The following RAB11FIP2 variants were observed in gnomAD, a reference collection of about 807,000 sequenced individuals.
RAB11FIP2 encodes RAB11 family interacting protein 2.
RAB11FIP2 carries 16 observed loss-of-function variants against 40.9 expected under a neutral mutation model. That is an observed-to-expected ratio of 0.39 (90% CI 0.26 to 0.59). RAB11FIP2 has a LOEUF of 0.59. RAB11FIP2 is among the 20% of genes least tolerant of loss of function. The probability of loss-of-function intolerance (pLI) is 0.53; values close to 1 mark genes in which losing one functional copy is unlikely to be tolerated. For missense variants in RAB11FIP2, 532 were observed against 606.2 expected, an observed-to-expected ratio of 0.88 and a Z score of 1.28; for synonymous variants, 228 against 213.7, an observed-to-expected ratio of 1.07 and a Z score of -0.58.
chr10:118,005,340 C>T lies in RAB11FIP2; in HGVS notation c.*3658G>A, dbSNP rs1846080639. The T allele has an allele frequency of 6.6e-6, 1 of 152,556 alleles. No homozygotes were observed. The highest frequency in any genetic ancestry group is 2.1e-4 in the South Asian group (1 of 4,826). The allele number at this position is 152,556 out of a possible 1,614,324, so 9.5% of individuals were successfully genotyped here. ...TTTAATGCTTGAAGAGCTTCTATAC[C>T]TCTTATTAAATATATCAGAAAATGC... On this transcript the variant is annotated 3_prime_UTR_variant, in exon 5 of 5. Transcript: ENST00000355624.
At chr10:118,044,916 T>C (rs1024625742) in intron 1 of RAB11FIP2, among the ~76,000 whole-genome samples, 4 of 152,200 alleles carry the variant, frequency 2.6e-5, no homozygotes, top group Non-Finnish European at 5.9e-5. Context: ...TAATATAATG[T>C]CCTTTTAAGT....
chr10:118,022,096 A>G (rs1846289207), intron 3 of RAB11FIP2, among the ~76,000 whole-genome samples: 1 of 152,148 alleles, frequency 6.6e-6, no homozygotes, highest in Admixed American at 6.5e-5. Context: ...TACTCATACC[A>G]CCAATCTCCT....
chr10:118,045,830 T>C lies in RAB11FIP2; in HGVS notation c.334A>G (p.Lys112Glu). ...AINLNDIFED[K>E]QRRKTEWFRL... The stretch of plus-strand genomic sequence containing the variant: ...ACTTACTCTGTTTTCCTTCTTTGTT[T>C]GTCCTCAAAGATGTCATTGAGATTG... Residue 112 changes from lysine to glutamate, a missense_variant, in exon 1 of 5, where the codon AAA (lysine) becomes GAA (glutamate). Coordinates refer to ENST00000355624, the MANE Select transcript of RAB11FIP2 (RefSeq NM_014904.3). The C allele has an allele frequency of 1.9e-6, 3 of 1,604,780 alleles. No homozygotes were observed. Among genetic ancestry groups the C allele is most frequent in the Middle Eastern group, 3.3e-4 (2 of 5,998 alleles).
At chr10:118,027,693 AAT>A (rs1846361281) in intron 3 of RAB11FIP2, among the ~76,000 whole-genome samples, 1 of 152,188 alleles carries the variant, frequency 6.6e-6, no homozygotes, top group African/African-American at 2.4e-5. Context: ...AATGACATAG[AAT>A]ATAGCTCCAT....
chr10:118,029,622 T>C (rs1010231441), intron 3 of RAB11FIP2, among the ~76,000 whole-genome samples: 3 of 152,084 alleles, frequency 2.0e-5, no homozygotes, highest in African/African-American at 7.2e-5. Flanking sequence ...AAAATAATAA[T>C]GAAAATATCA....
chr10:118,030,448 A>C (rs1464180824), intron 3 of RAB11FIP2, among the ~76,000 whole-genome samples: 1 of 152,040 alleles, frequency 6.6e-6, no homozygotes, highest in Non-Finnish European at 1.5e-5. Flanking sequence ...TAATTACCTA[A>C]ACTATATCTC....
At chr10:118,015,527 G>A (rs1589638124) in intron 3 of RAB11FIP2, among the ~76,000 whole-genome samples, 1 of 152,172 alleles carries the variant, frequency 6.6e-6, no homozygotes. Flanking sequence ...GAATAAAAGA[G>A]TTAAAGCAAT....
rs1846096510 is a variant in RAB11FIP2 at position 118,006,854 on chromosome 10, T to G, written c.*2144A>C. On this transcript the variant is annotated 3_prime_UTR_variant, in exon 5 of 5. Transcript: ENST00000355624. ...AATAAAGCTAAGCCTCAATAGCTTT[T>G]ATATAGGAAAAGAATCGCTCCTTAA... is the stretch of plus-strand genomic sequence containing the variant. 6.6e-6 allele frequency: 1 copy of G among 152,330 alleles called. No homozygotes were observed. Among genetic ancestry groups the G allele is most frequent in the African/African-American group, 2.4e-5 (1 of 41,436 alleles). 9.4% of individuals were successfully genotyped at this position (152,330 alleles called of 1,614,324 possible).
chr10:118,046,166 T>C lies in RAB11FIP2; in HGVS notation c.-3A>G. ...TGGGCTTGCTCGGACAGCATCATCC[T>C]GTCCTGTTTCTCTGCCCCCGAGTTC... On this transcript the variant is annotated 5_prime_UTR_variant, in exon 1 of 5. Coordinates refer to ENST00000355624, the MANE Select transcript of RAB11FIP2 (RefSeq NM_014904.3). 1.2e-6 allele frequency: 2 copies of C among 1,610,930 alleles called. No homozygotes were observed. Among genetic ancestry groups the C allele is most frequent in the Non-Finnish European group, 1.7e-6 (2 of 1,177,924 alleles).
At position 118,045,823 on chromosome 10, in the gene RAB11FIP2, CTTTG is replaced by C. The variant is rs752892740; in HGVS notation, c.337_340del (p.Gln113GlufsTer9). 17 of 1,602,404 alleles carry C rather than the reference CTTTG, an allele frequency of 1.1e-5. No individual in the cohort carries two copies. Among genetic ancestry groups the C allele is most frequent in the East Asian group, 6.7e-5 (3 of 44,788 alleles). On this transcript the variant is annotated frameshift_variant, in exon 1 of 5. Transcript: ENST00000355624. LOFTEE classifies it high-confidence loss of function. Reference sequence around the variant, plus strand: ...TTACATAACTTACTCTGTTTTCCTTCTTTGTTTGTCCTCAAAGATGTCATTGAGA... The same window carrying C: ...TTACATAACTTACTCTGTTTTCCTTCTTTGTCCTCAAAGATGTCATTGAGA...
rs556502482 is a variant in RAB11FIP2, at chr10:118,009,014, T to C, written c.1523A>G (p.Lys508Arg). 19 of 1,610,630 alleles carry C rather than the reference T, an allele frequency of 1.2e-5. No homozygotes were observed. The African/African-American group carries it at 2.5e-4, about 21-fold the overall frequency. ...VPYEPSRKAGKFSNS is the reference protein window; with the variant it reads ...VPYEPSRKAGRFSNS ...TTGGCTTTATTAACTGTTAGAGAATTTGCCAGCTTTCCTGGATGGTTCATA... is the reference window on the plus strand; with the variant it reads ...TTGGCTTTATTAACTGTTAGAGAATCTGCCAGCTTTCCTGGATGGTTCATA... The change falls in exon 5 of 5, where the codon AAA (lysine) becomes AGA (arginine). Residue 508 changes from lysine to arginine, a missense_variant. Lys to Arg is a conservative substitution (Grantham distance 26). Transcript: ENST00000355624.
Position 118,005,823 on chromosome 10 carries a change from G to A in RAB11FIP2, c.*3175C>T, listed in dbSNP as rs1303190513. On this transcript the variant is annotated 3_prime_UTR_variant, in exon 5 of 5. Coordinates refer to ENST00000355624, the MANE Select transcript of RAB11FIP2 (RefSeq NM_014904.3). The stretch of plus-strand genomic sequence containing the variant: ...CCGGGGATGGTAGGCAGGGAGGCGT[G>A]GTGGTGAGGGAGTTGCTGGAGGAAT... The A allele has an allele frequency of 6.6e-6, 1 of 152,354 alleles. No individual in the cohort carries two copies. The highest frequency in any genetic ancestry group is 1.5e-5 in the Non-Finnish European group (1 of 67,956). 9.4% of individuals were successfully genotyped at this position (152,354 alleles called of 1,614,324 possible). A position where few individuals can be genotyped will look rare whatever the true frequency, so the allele number is the denominator to read the frequency against.
chr10:118,009,579 CAG>C (rs1216315905), intron 4 of RAB11FIP2, among the ~76,000 whole-genome samples: 1 of 152,112 alleles, frequency 6.6e-6, no homozygotes, highest in Non-Finnish European at 1.5e-5. Flanking sequence ...AAAGTTAACT[CAG>C]AGGAACTGTA....
chr10:118,038,844 T>C (rs1846514541), intron 3 of RAB11FIP2, 128 bp downstream of exon 3: 1 of 715,006 alleles, frequency 1.4e-6, no homozygotes, highest in African/African-American at 1.8e-5. Flanking sequence ...AATTTAATTA[T>C]ACAAATAAAA....
intron 3 of RAB11FIP2, among the ~76,000 whole-genome samples, chr10:118,024,300 T>C (rs76293232): frequency 4.2e-4 from 64 of 152,170 alleles, no homozygotes; most frequent in African/African-American, 1.5e-3. Flanking sequence ...AAAACTCAGA[T>C]GAATTTTTGC....
rs114903663 is a variant in RAB11FIP2, at chr10:118,040,034, G to A, written c.796+89C>T. 1,874 of 1,283,464 alleles carry A rather than the reference G, an allele frequency of 1.5e-3. 25 individuals are homozygous for A. In the African/African-American group the frequency reaches 0.025, roughly 17 times the overall value. 79.5% of individuals were successfully genotyped at this position (1,283,464 alleles called of 1,614,324 possible). A position where few individuals can be genotyped will look rare whatever the true frequency, so the allele number is the denominator to read the frequency against. On this transcript the variant is annotated intron_variant, in intron 2 of 4. Coordinates refer to ENST00000355624, the MANE Select transcript of RAB11FIP2 (RefSeq NM_014904.3). ...ATTTGGAAAATACTACAAAGCAACTGCTATTTTGATTTACTAAATTTAGAA... is the reference window on the plus strand; with the variant it reads ...ATTTGGAAAATACTACAAAGCAACTACTATTTTGATTTACTAAATTTAGAA...
At chr10:118,041,781 G>A (rs1449203013) in intron 1 of RAB11FIP2, among the ~76,000 whole-genome samples, 3 of 152,182 alleles carry the variant, frequency 2.0e-5, no homozygotes, top group South Asian at 2.1e-4. Context: ...ATCTTTGCAC[G>A]TAACATGGAA....
At chr10:118,010,634 G>A (rs372312884) in intron 4 of RAB11FIP2, among the ~76,000 whole-genome samples, 37 of 152,076 alleles carry the variant, frequency 2.4e-4, no homozygotes, top group African/African-American at 8.7e-4. Context: ...TTGATGCTTG[G>A]GTCATTGAAG....
intron 3 of RAB11FIP2, among the ~76,000 whole-genome samples, chr10:118,029,761 G>A (rs776125034): frequency 2.6e-5 from 4 of 152,076 alleles, no homozygotes; most frequent in African/African-American, 7.2e-5. Flanking sequence ...AACCTTTAGA[G>A]TATAACATGT....
Sources: gnomAD v4.1 joint callset for allele counts (sites outside exome capture counted in the v4.1 genomes callset) on GRCh38, gnomAD v4.1.1 for gene constraint, MANE v1.5 for transcripts, NCBI Gene and HGNC (gene_info 2026-07-23, HGNC 2026-07-21) for gene names.